The following SLC28A1 variants were observed in gnomAD, a reference collection of about 807,000 sequenced individuals.
SLC28A1 encodes the protein solute carrier family 28 member 1, also known as sodium/nucleoside cotransporter 1.
Under a neutral mutation model 74.8 loss-of-function variants are expected in SLC28A1, and 64 were observed. The ratio of observed to expected loss-of-function variants is 0.86; its 90% confidence interval spans 0.70 to 1.05. The LOEUF is 1.05. Ranked by LOEUF, SLC28A1 falls within the 50% of genes least tolerant of loss-of-function variation. SLC28A1 has a pLI of 0.00. For synonymous variants in SLC28A1, 359 were observed against 335.0 expected (o/e 1.07, Z -0.78); for missense variants, 828 against 822.8 (o/e 1.01, Z -0.08).
chr15:84,914,568 C>A (rs1226158616), intron 9 of SLC28A1, among the ~76,000 whole-genome samples: 1 of 152,170 alleles, frequency 6.6e-6, no homozygotes, highest in Non-Finnish European at 1.5e-5. Flanking sequence ...CCTCCGTGTG[C>A]CCATTTGTGA....
At chr15:84,974,158 A>C in the SLC28A1 span, among the ~76,000 whole-genome samples, 1 of 152,188 alleles carries the variant, frequency 6.6e-6, no homozygotes, top group Non-Finnish European at 1.5e-5. Flanking sequence ...GACATTTAAA[A>C]AGCCTCACAT....
chr15:84,922,314 C>G (rs1969923192), intron 11 of SLC28A1, among the ~76,000 whole-genome samples: 2 of 152,202 alleles, frequency 1.3e-5, no homozygotes, highest in African/African-American at 4.8e-5. Flanking sequence ...CATTAAGACG[C>G]TAAGTCCAAA....
chr15:84,902,091 TG>T, intron 6 of SLC28A1, among the ~76,000 whole-genome samples: 1 of 151,524 alleles, frequency 6.6e-6, no homozygotes, highest in Non-Finnish European at 1.5e-5. Flanking sequence ...TTACACTAAG[TG>T]AAAGAAGTCA....
chr15:84,888,402 C>G (rs1964859032), intron 3 of SLC28A1, among the ~76,000 whole-genome samples: 1 of 141,382 alleles, frequency 7.1e-6, no homozygotes, highest in Admixed American at 7.0e-5. Flanking sequence ...AATACCCACC[C>G]CCCACCCAAA....
At chr15:84,950,490 G>C (rs1191527709), downstream of SLC28A1, among the ~76,000 whole-genome samples, 1 of 151,936 alleles carries the variant, frequency 6.6e-6, no homozygotes, top group Non-Finnish European at 1.5e-5. Flanking sequence ...TTGGGAGGCT[G>C]AGGTGGGAAG....
rs186122278 is a variant in SLC28A1, at chr15:84,921,311, A to G, written c.957+242A>G. Reference sequence around the variant, plus strand: ...GCCCTAGGCGGTCTTCATCAGCCCAAAGACTCACAAATCCTCCAGATGGAT... The same window carrying G: ...GCCCTAGGCGGTCTTCATCAGCCCAGAGACTCACAAATCCTCCAGATGGAT... On this transcript the variant is annotated intron_variant, in intron 11 of 18. Coordinates refer to ENST00000394573, the MANE Select transcript of SLC28A1 (RefSeq NM_004213.5). Among the ~76,000 whole-genome samples the G allele has an allele frequency of 4.7e-4, 72 of 152,268 alleles. No individual in the cohort carries two copies. In the South Asian group the frequency reaches 6.8e-3, roughly 14 times the overall value.
At chr15:84,916,096 G>A (rs1969052784) in intron 9 of SLC28A1, among the ~76,000 whole-genome samples, 1 of 151,598 alleles carries the variant, frequency 6.6e-6, no homozygotes, top group Admixed American at 6.6e-5. Flanking sequence ...CCGAGTAGCT[G>A]GGATTACAGG....
At chr15:84,890,639 G>A in intron 5 of SLC28A1, 105 bp downstream of exon 5, 2 of 943,052 alleles carry the variant, frequency 2.1e-6, no homozygotes, top group South Asian at 1.4e-5. Flanking sequence ...ACAAATGGTT[G>A]TTGAGCACCA....
the SLC28A1 span, among the ~76,000 whole-genome samples, chr15:84,953,307 G>A: frequency 1.3e-4 from 20 of 152,220 alleles, no homozygotes; most frequent in Admixed American, 9.8e-4. Context: ...GAAAAGTTCC[G>A]TAACTCGGTG....
intron 6 of SLC28A1, among the ~76,000 whole-genome samples, chr15:84,898,193 A>T (rs541526712): frequency 6.7e-6 from 1 of 148,504 alleles, no homozygotes; most frequent in African/African-American, 2.5e-5. Flanking sequence ...TCCTATTTTT[A>T]GTTTTGTGAG....
intron 11 of SLC28A1, 86 bp from the exon 12 acceptor site, chr15:84,923,899 T>C (rs1337803956): frequency 6.3e-7 from 1 of 1,585,860 alleles, no homozygotes; most frequent in East Asian, 2.2e-5. Flanking sequence ...ACCGTGGGAC[T>C]CCCAGCTGCT....
At chr15:84,917,018 A>G (rs1969199514) in intron 9 of SLC28A1, among the ~76,000 whole-genome samples, 1 of 113,420 alleles carries the variant, frequency 8.8e-6, no homozygotes, top group Admixed American at 1.0e-4. Flanking sequence ...ACAGAGTGAG[A>G]TTCTGTCTCA....
At chr15:84,934,521 G>A (rs931014987) in intron 13 of SLC28A1, among the ~76,000 whole-genome samples, 13 of 152,216 alleles carry the variant, frequency 8.5e-5, no homozygotes, top group African/African-American at 2.4e-4. Context: ...TGGGCACAGC[G>A]GATGACCCCA....
rs76146293 is a variant in SLC28A1, at chr15:84,945,701, G to A, written c.*501G>A. 8.1e-3 allele frequency: 1,815 copies of A among 224,080 alleles called. 38 individuals are homozygous for A. Among genetic ancestry groups the A allele is most frequent in the African/African-American group, 0.039 (1,722 of 44,366 alleles). 13.9% of individuals were successfully genotyped at this position (224,080 alleles called of 1,614,324 possible). ...TCCTCAGAGTGCTTCCCAAACTGAG[G>A]TCCCATGGCACACTGTCCTGGGAGG... On this transcript the variant is annotated 3_prime_UTR_variant, in exon 19 of 19. Coordinates refer to ENST00000394573, the MANE Select transcript of SLC28A1 (RefSeq NM_004213.5).
At chr15:84,941,817 A>AT (rs1972755284) in intron 15 of SLC28A1, among the ~76,000 whole-genome samples, 1 of 151,800 alleles carries the variant, frequency 6.6e-6, no homozygotes, top group African/African-American at 2.4e-5. Context: ...AGTTTTCAAA[A>AT]AAAGGAAAGA....
At chr15:84,938,723 T>C (rs1166071820) in intron 15 of SLC28A1, among the ~76,000 whole-genome samples, 2 of 151,506 alleles carry the variant, frequency 1.3e-5, no homozygotes, top group African/African-American at 4.9e-5. Context: ...TAACCACAAT[T>C]CGTGGTAAGT....
At chr15:84,951,263 A>G in the SLC28A1 span, among the ~76,000 whole-genome samples, 1 of 151,852 alleles carries the variant, frequency 6.6e-6, no homozygotes, top group South Asian at 2.1e-4. Context: ...GCCTGGGCAA[A>G]ATGGTGAAAC....
the SLC28A1 span, among the ~76,000 whole-genome samples, chr15:84,971,467 T>C: frequency 6.6e-6 from 1 of 152,216 alleles, no homozygotes; most frequent in South Asian, 2.1e-4. Flanking sequence ...AAGAGCCTGG[T>C]CCATCCCCAT....
intron 8 of SLC28A1, among the ~76,000 whole-genome samples, chr15:84,906,524 GTTTGTTTCTTTCTTTCTTTCTTTCTTTC>G (rs1967160274): frequency 1.7e-5 from 1 of 58,778 alleles, no homozygotes; most frequent in Non-Finnish European, 3.7e-5. Flanking sequence ...TTGTTTGTTT[GTTTGTTTCTTTCTTTCTTTCTTTCTTTC>G]TTTCTTTCTT....
Sources: gnomAD v4.1 joint callset for allele counts (sites outside exome capture counted in the v4.1 genomes callset) on GRCh38, gnomAD v4.1.1 for gene constraint, MANE v1.5 for transcripts, NCBI Gene and HGNC (gene_info 2026-07-23, HGNC 2026-07-21) for gene names.